The following SEC31A variants were observed in gnomAD, a reference collection of about 807,000 sequenced individuals.
SEC31A encodes protein transport protein Sec31A.
Under a neutral mutation model 151.0 loss-of-function variants are expected in SEC31A, and 70 were observed. The ratio of observed to expected loss-of-function variants is 0.46; its 90% CI spans 0.38 to 0.57. SEC31A has a LOEUF of 0.57. SEC31A is among the 20% of genes least tolerant of loss of function. SEC31A has a pLI of 0.00. For missense variants in SEC31A, 1,330 were observed against 1,471.2 expected (o/e 0.90, Z 1.57); for synonymous variants, 475 against 505.9 (o/e 0.94, Z 0.82).
At chr4:82,819,456 TAA>T (rs1487863887) in intron 26 of SEC31A, among the ~76,000 whole-genome samples, 1 of 152,166 alleles carries the variant, frequency 6.6e-6, no homozygotes, top group Non-Finnish European at 1.5e-5. Flanking sequence ...TTTACATAAA[TAA>T]GTTATTTATG....
intron 14 of SEC31A, among the ~76,000 whole-genome samples, chr4:82,859,057 C>T (rs1346733722): frequency 1.3e-5 from 2 of 151,878 alleles, no homozygotes; most frequent in African/African-American, 4.8e-5. Flanking sequence ...CCTACTTTTA[C>T]ACATCTAAGA....
chr4:82,891,049 G>C, intron 1 of SEC31A, 39 bp downstream of exon 1: 1 of 1,535,710 alleles, frequency 6.5e-7, no homozygotes, highest in Non-Finnish European at 8.7e-7. Flanking sequence ...CAAAGCTTAA[G>C]GACCGGCGAA....
At chr4:82,887,303 G>A in intron 1 of SEC31A, among the ~76,000 whole-genome samples, 1 of 151,944 alleles carries the variant, frequency 6.6e-6, no homozygotes, top group East Asian at 1.9e-4. Flanking sequence ...ACATTTATAA[G>A]AACATAAAAT....
intron 22 of SEC31A, among the ~76,000 whole-genome samples, chr4:82,834,616 A>G (rs544798632): frequency 1.1e-4 from 17 of 152,246 alleles, no homozygotes; most frequent in East Asian, 3.9e-4. Context: ...ATAGAAGGCA[A>G]TATTTTATAA....
chr4:82,859,468 T>G (rs1176601377), intron 14 of SEC31A, among the ~76,000 whole-genome samples: 3 of 152,216 alleles, frequency 2.0e-5, no homozygotes, highest in Admixed American at 2.0e-4. Context: ...AAACAAAGCT[T>G]TCTTACATGA....
At position 82,864,465 on chromosome 4, in the gene SEC31A, T is replaced by C; in HGVS notation, c.1331A>G (p.Gln444Arg). 1 of 1,614,234 alleles carries C rather than the reference T, an allele frequency of 6.2e-7. No individual in the cohort carries two copies. Among genetic ancestry groups the C allele is most frequent in the Non-Finnish European group, 8.5e-7 (1 of 1,180,040 alleles). Residue 444 changes from glutamine (Q) to arginine (R), a missense_variant, in exon 11 of 27, where the codon CAA (glutamine) becomes CGA (arginine). Transcript: ENST00000395310. ...TTGTGACTGCACAGCCTGCTGAAGT[T>C]GGTCTGATCGGCTGAGGAACTCCTT... ...TEKEFLSRSDQLQQAVQSQGF... is the reference protein window; with the variant it reads ...TEKEFLSRSDRLQQAVQSQGF...
At chr4:82,891,290 C>G, upstream of SEC31A, 1 of 1,056,816 alleles carries the variant, frequency 9.5e-7, no homozygotes, top group Non-Finnish European at 1.4e-6. Flanking sequence ...CAGCCCGCCA[C>G]GGCACTTCCG....
In SEC31A at chr4:82,866,790, A is replaced by G; in HGVS notation, c.1197+18T>C. The stretch of plus-strand genomic sequence containing the variant: ...AAGTCCTTTGTGCCTATGGACCATA[A>G]AAACAAAATCCACCTACTGAAAAAG... On this transcript the variant is annotated intron_variant, in intron 10 of 26. Coordinates refer to ENST00000395310, the MANE Select transcript of SEC31A (RefSeq NM_001077207.4). 1 of 1,595,434 alleles carries G rather than the reference A, an allele frequency of 6.3e-7. No homozygotes were observed.
chr4:82,877,217 G>T (rs952502197), intron 4 of SEC31A, among the ~76,000 whole-genome samples: 4 of 152,036 alleles, frequency 2.6e-5, no homozygotes, highest in African/African-American at 9.7e-5. Flanking sequence ...GGAGCAAGAC[G>T]CTGTTTCAAA....
chr4:82,897,444 A>G (rs1720110929), intron 3 of SEC31A, among the ~76,000 whole-genome samples: 1 of 152,252 alleles, frequency 6.6e-6, no homozygotes, highest in South Asian at 2.1e-4. Flanking sequence ...CTAGAAAGCA[A>G]GAAGTCTATA....
chr4:82,856,746 G>A (rs1021708465), intron 16 of SEC31A, among the ~76,000 whole-genome samples: 30 of 151,986 alleles, frequency 2.0e-4, no homozygotes, highest in African/African-American at 5.8e-4. Flanking sequence ...GCAAGACCCC[G>A]TCTTTAAAAT....
rs745611739 is a variant in SEC31A, at chr4:82,824,522, A to G, written c.3411+33T>C. 4 of 1,603,874 alleles carry G rather than the reference A, an allele frequency of 2.5e-6. No individual in the cohort carries two copies. The African/African-American group carries it at 5.4e-5, about 22-fold the overall frequency. ...ACCTGGCCAAGGATTCTTCTAATTAAGCAAAATATGATTTAAAAAAATAAA... is the reference window on the plus strand; with the variant it reads ...ACCTGGCCAAGGATTCTTCTAATTAGGCAAAATATGATTTAAAAAAATAAA... On this transcript the variant is annotated intron_variant, in intron 25 of 26. Transcript: ENST00000395310.
intron 11 of SEC31A, 63 bp downstream of exon 11, chr4:82,864,299 A>G (rs1224303888): frequency 9.0e-6 from 10 of 1,108,708 alleles, no homozygotes; most frequent in Non-Finnish European, 1.3e-5. Context: ...ACAGATTTAG[A>G]ATATAAAGGA....
chr4:82,888,381 A>T (rs1303654630), intron 1 of SEC31A, among the ~76,000 whole-genome samples: 63 of 3,488 alleles, frequency 0.018, 3 homozygotes, highest in African/African-American at 0.093. Context: ...AAACACACAA[A>T]AAACATATAT....
intron 14 of SEC31A, among the ~76,000 whole-genome samples, chr4:82,859,985 T>G (rs1172204617): frequency 6.6e-6 from 1 of 152,004 alleles, no homozygotes; most frequent in Non-Finnish European, 1.5e-5. Context: ...GTAGAGGTGG[T>G]GTTTCACCGT....
At chr4:82,830,349 T>C (rs1725650419) in intron 22 of SEC31A, among the ~76,000 whole-genome samples, 1 of 152,108 alleles carries the variant, frequency 6.6e-6, no homozygotes, top group Non-Finnish European at 1.5e-5. Context: ...TAGTCTCAGC[T>C]ACCCAGGAGC....
intron 1 of SEC31A, among the ~76,000 whole-genome samples, chr4:82,889,988 G>A (rs899364867): frequency 6.6e-6 from 1 of 152,024 alleles, no homozygotes; most frequent in Non-Finnish European, 1.5e-5. Flanking sequence ...AGCACTTCGG[G>A]AGGCCAACTC....
Position 82,837,199 on chromosome 4 carries a change from AATT to A in SEC31A, c.2968+4938_2968+4940del, listed in dbSNP as rs1262283714. 6.3e-4 allele frequency among the ~76,000 whole-genome samples: 52 copies of A among 83,134 alleles called. 1 individual carries two copies. Among genetic ancestry groups the A allele is most frequent in the Middle Eastern group, 0.018 (2 of 110 alleles). 54.5% of individuals were successfully genotyped at this position (83,134 alleles called of 152,430 possible). On this transcript the variant is annotated intron_variant, in intron 22 of 26. Coordinates refer to ENST00000395310, the MANE Select transcript of SEC31A (RefSeq NM_001077207.4). ...TATATATATATATATATATATATAT[AATT>A]TCACCACAATAAAAACTTTAATGCA...
intron 3 of SEC31A, chr4:82,897,897 T>C (rs1720132890): frequency 1.3e-5 from 2 of 152,208 alleles, no homozygotes; most frequent in African/African-American, 2.4e-5. Flanking sequence ...AAAGCCTTAA[T>C]AAATGTTTTT....
Sources: allele counts gnomAD v4.1 joint callset (sites outside exome capture counted in the v4.1 genomes callset), GRCh38; gene constraint gnomAD v4.1.1; transcripts MANE v1.5; gene names NCBI Gene and HGNC (gene_info 2026-07-23, HGNC 2026-07-21).